SPTA1: variants seen among roughly 807,000 people sequenced by gnomAD.
The protein encoded by SPTA1 is spectrin alpha, erythrocytic 1.
SPTA1 carries 177 observed loss-of-function variants against 324.7 expected under a neutral mutation model. That is an observed-to-expected ratio of 0.55 (90% CI 0.48 to 0.62). The LOEUF is 0.62. Among genes scored for constraint, SPTA1 ranks in the 20% least tolerant of loss-of-function variants. SPTA1 has a pLI of 0.00. For missense variants in SPTA1, 3,162 were observed against 2,883.6 expected, an observed-to-expected ratio of 1.10 and a Z score of -2.21; for synonymous variants, 1,195 against 1,041.3, an observed-to-expected ratio of 1.15 and a Z score of -2.84.
At chr1:158,613,685 T>C (rs1407909510) in intron 50 of SPTA1, 36 bp downstream of exon 50, 13 of 1,613,088 alleles carry the variant, frequency 8.1e-6, no homozygotes, top group Non-Finnish European at 1.0e-5. Context: ...CAAACCCCCA[T>C]CCCTGCTGCG....
At position 158,639,912 on chromosome 1, in the gene SPTA1, C is replaced by T. The variant is rs145288947; in HGVS notation, c.4833G>A (p.Arg1611=). The change falls in exon 34 of 52, where the codon AGG becomes AGA. Residue 1611 remains arginine, a synonymous_variant. Transcript: ENST00000643759. ...CAAAGTCCCGGATGCTTGTGTTGAA[C>T]CTCTGTTGACGACTGGCCTCATTGA... is the stretch of plus-strand genomic sequence containing the variant. ...KKLNEASRQQ[R]FNTSIRDFEF... 688 of 1,613,924 alleles carry T rather than the reference C, an allele frequency of 4.3e-4. 5 individuals are homozygous for T. In the African/African-American group the frequency reaches 6.6e-3, roughly 15 times the overall value.
At chr1:158,619,831 G>A (rs976789017) in intron 44 of SPTA1, among the ~76,000 whole-genome samples, 1 of 152,046 alleles carries the variant, frequency 6.6e-6, no homozygotes, top group Non-Finnish European at 1.5e-5. Flanking sequence ...ATATAAAAAC[G>A]AAAATGTCTT....
At chr1:158,621,356 TGGAG>T (rs1649901474) in intron 43 of SPTA1, among the ~76,000 whole-genome samples, 1 of 152,126 alleles carries the variant, frequency 6.6e-6, no homozygotes, top group African/African-American at 2.4e-5. Context: ...CTGGCCCAAA[TGGAG>T]GGAGGATTTC....
Position 158,623,116 on chromosome 1 carries a change from A to G in SPTA1, c.5987T>C (p.Ile1996Thr), listed in dbSNP as rs568871584. ...TTTAGACTGGTTGTGTTGAGCAGAAATCAGTTTGTCCTTCAGGTCAGTGAT... is the reference window on the plus strand; with the variant it reads ...TTTAGACTGGTTGTGTTGAGCAGAAGTCAGTTTGTCCTTCAGGTCAGTGAT... Reference protein sequence around the residue: ...PEITDLKDKLISAQHNQSKAI... With the variant: ...PEITDLKDKLTSAQHNQSKAI... Residue 1996 changes from isoleucine to threonine, a missense_variant, in exon 43 of 52, where the codon ATT (isoleucine) becomes ACT (threonine). By Grantham distance (89) the Ile-to-Thr change is moderately conservative (BLOSUM62 -1). Transcript: ENST00000643759. 6.8e-6 allele frequency: 11 copies of G among 1,614,038 alleles called. No homozygotes were observed. The highest frequency in any genetic ancestry group is 1.3e-5 in the African/African-American group (1 of 74,924).
At chr1:158,662,202 C>A (rs868375076) in intron 17 of SPTA1, among the ~76,000 whole-genome samples, 14 of 152,210 alleles carry the variant, frequency 9.2e-5, no homozygotes, top group African/African-American at 2.2e-4. Flanking sequence ...TACTAAGTTG[C>A]ACTGTATTTG....
chr1:158,651,209 G>A (rs1335931304), intron 24 of SPTA1, among the ~76,000 whole-genome samples, 158 bp downstream of exon 24: 1 of 152,176 alleles, frequency 6.6e-6, no homozygotes, highest in African/African-American at 2.4e-5. Flanking sequence ...GACTATTTGG[G>A]CTATTGTCTT....
chr1:158,628,553 A>G (rs1413614616), intron 39 of SPTA1, among the ~76,000 whole-genome samples: 1 of 152,200 alleles, frequency 6.6e-6, no homozygotes, highest in Non-Finnish European at 1.5e-5. Flanking sequence ...GATGGACTAC[A>G]TTATATATTA....
chr1:158,618,736 C>A (rs1240209404), intron 45 of SPTA1, among the ~76,000 whole-genome samples: 1 of 152,158 alleles, frequency 6.6e-6, no homozygotes, highest in African/African-American at 2.4e-5. Flanking sequence ...ATAGAAGATT[C>A]TGCTTCTGGT....
chr1:158,620,840 G>GA (rs200959019), intron 43 of SPTA1: 7,788 of 89,532 alleles, frequency 0.087, 463 homozygotes, highest in African/African-American at 0.18. Context: ...TAGTAAACAT[G>GA]AAAAAAAAAA....
chr1:158,650,349 G>C (rs1164339127), intron 24 of SPTA1, among the ~76,000 whole-genome samples: 1 of 152,128 alleles, frequency 6.6e-6, no homozygotes, highest in East Asian at 1.9e-4. Context: ...CTTTCTATAG[G>C]GGGTAAGTAC....
intron 23 of SPTA1, 140 bp from the exon 24 acceptor site, chr1:158,651,608 C>G (rs1652440650): frequency 1.4e-6 from 1 of 710,894 alleles, no homozygotes; most frequent in Admixed American, 1.9e-5. Flanking sequence ...TCCTCCAATC[C>G]ACCACTGAGA....
At chr1:158,666,646 C>A (rs1044507699) in intron 15 of SPTA1, 149 bp from the exon 16 acceptor site, 25 of 760,944 alleles carry the variant, frequency 3.3e-5, no homozygotes, top group Non-Finnish European at 5.2e-5. Context: ...CACAAAAAGT[C>A]ATCTTAAATT....
chr1:158,679,868 G>A (rs942267083), intron 5 of SPTA1, among the ~76,000 whole-genome samples: 2 of 152,086 alleles, frequency 1.3e-5, no homozygotes, highest in African/African-American at 4.8e-5. Context: ...AAGAAAAATA[G>A]GAAAACATAG....
At chr1:158,634,278 A>G (rs925382965) in intron 39 of SPTA1, among the ~76,000 whole-genome samples, 8 of 152,190 alleles carry the variant, frequency 5.3e-5, no homozygotes, top group African/African-American at 1.4e-4. Flanking sequence ...TTTAACCATT[A>G]TTTCTTTGAC....
intron 38 of SPTA1, 62 bp downstream of exon 38, chr1:158,635,850 TC>T (rs1651028292): frequency 6.2e-7 from 1 of 1,612,894 alleles, no homozygotes; most frequent in Non-Finnish European, 8.5e-7. Flanking sequence ...TTAAGTATCC[TC>T]CCAACACCTG....
rs1655074304 is a variant in SPTA1 at position 158,685,140 on chromosome 1, C to A, written c.232G>T (p.Asp78Tyr). 6.2e-7 allele frequency: 1 copy of A among 1,613,656 alleles called. No homozygotes were observed. The highest frequency in any genetic ancestry group is 1.1e-5 in the South Asian group (1 of 91,078). The change falls in exon 2 of 52, where the codon GAT becomes TAT. Residue 78 changes from aspartate (D) to tyrosine (Y), a missense_variant. Asp to Tyr is a radical substitution (Grantham distance 160). Coordinates refer to ENST00000643759, the MANE Select transcript of SPTA1 (RefSeq NM_003126.4). ...TTAGTTGGGTCTTCATAGCTCTTAT[C>A]GGTTAAGATATTGACTTTCTCCATG... ...WIMEKVNILT[D>Y]KSYEDPTNIQ...
rs111674514 is a variant in SPTA1 at position 158,686,557 on chromosome 1, C to CAGAGAGAGAGAGAG, written c.-54_-41dup. The CAGAGAGAGAGAGAG allele has an allele frequency of 1.9e-4, 191 of 1,024,348 alleles. No individual in the cohort carries two copies. Among genetic ancestry groups the CAGAGAGAGAGAGAG allele is most frequent in the Non-Finnish European group, 2.5e-4 (165 of 667,182 alleles). 63.5% of individuals were successfully genotyped at this position (1,024,348 alleles called of 1,614,324 possible). A position where few individuals can be genotyped will look rare whatever the true frequency, so the allele number is the denominator to read the frequency against. ...TAGAACCTGGCAAGATAAAATGTGTCAGAGAGAGAGAGAGAGAGAAATAAT... is the reference window on the plus strand; with the variant it reads ...TAGAACCTGGCAAGATAAAATGTGTCAGAGAGAGAGAGAGAGAGAGAGAGAGAGAGAGAAATAAT... On this transcript the variant is annotated 5_prime_UTR_variant, in exon 1 of 52. An upstream open reading frame in the 5' UTR loses its in-frame stop. Coordinates refer to ENST00000643759, the MANE Select transcript of SPTA1 (RefSeq NM_003126.4).
chr1:158,631,849 T>C (rs934138228), intron 39 of SPTA1, among the ~76,000 whole-genome samples: 1 of 152,176 alleles, frequency 6.6e-6, no homozygotes, highest in African/African-American at 2.4e-5. Context: ...TTAGTGGGAA[T>C]GCAAAATGGC....
intron 38 of SPTA1, 64 bp from the exon 39 acceptor site, chr1:158,634,739 G>A (rs2101802849): frequency 1.3e-6 from 2 of 1,597,644 alleles, no homozygotes; most frequent in East Asian, 2.2e-5. Flanking sequence ...GGAGTACAGT[G>A]GGGTGGCACA....
Sources: allele counts gnomAD v4.1 joint callset (sites outside exome capture counted in the v4.1 genomes callset), GRCh38; gene constraint gnomAD v4.1.1; transcripts MANE v1.5; gene names NCBI Gene and HGNC (gene_info 2026-07-23, HGNC 2026-07-21).